Variants in POU2F3 observed in about 807,000 individuals in gnomAD.
POU2F3 encodes the protein POU domain, class 2, transcription factor 3.
A neutral mutation model predicts 59.2 loss-of-function variants in POU2F3; 23 were observed. The observed-to-expected ratio is 0.39, with a 90% CI of 0.28 to 0.55. The LOEUF is 0.55. POU2F3 is among the 20% of genes least tolerant of loss of function. POU2F3 has a pLI of 0.66. For synonymous variants in POU2F3, 190 were observed against 214.6 expected (o/e 0.89, Z 1.00); for missense variants, 473 against 544.5 (o/e 0.87, Z 1.31).
chr11:120,236,840 C>A, upstream of POU2F3: 2 of 841,324 alleles, frequency 2.4e-6, no homozygotes, highest in Middle Eastern at 2.7e-4. Context: ...TTAGAGGGCA[C>A]CCCAGCCTTC....
At chr11:120,271,691 C>T (rs942747795) in intron 3 of POU2F3, among the ~76,000 whole-genome samples, 3 of 152,196 alleles carry the variant, frequency 2.0e-5, no homozygotes, top group Non-Finnish European at 4.4e-5. Flanking sequence ...TGAGGGCAGC[C>T]CCTCTGACCC....
At chr11:120,250,992 G>A (rs1412057271) in intron 2 of POU2F3, among the ~76,000 whole-genome samples, 2 of 151,472 alleles carry the variant, frequency 1.3e-5, no homozygotes, top group Admixed American at 1.3e-4. Context: ...AAAAAAAACA[G>A]GGTCTCACTC....
chr11:120,269,886 A>C (rs1275439640), intron 3 of POU2F3, among the ~76,000 whole-genome samples: 1 of 152,048 alleles, frequency 6.6e-6, no homozygotes, highest in Non-Finnish European at 1.5e-5. Context: ...GCCGAGGGAG[A>C]GGACTTGCCC....
chr11:120,242,651 C>T (rs1019081836), intron 1 of POU2F3, among the ~76,000 whole-genome samples: 1 of 152,112 alleles, frequency 6.6e-6, no homozygotes, highest in African/African-American at 2.4e-5. Flanking sequence ...GCTCCCGGGT[C>T]GCCCACTCCA....
chr11:120,236,899 C>T (rs991146262), upstream of POU2F3, among the ~76,000 whole-genome samples: 4 of 152,208 alleles, frequency 2.6e-5, no homozygotes, highest in African/African-American at 4.8e-5. Context: ...AGAAACGTCT[C>T]TGCTGAGCCA....
intron 2 of POU2F3, among the ~76,000 whole-genome samples, chr11:120,266,943 T>C (rs1298990862): frequency 6.6e-6 from 1 of 152,250 alleles, no homozygotes; most frequent in Non-Finnish European, 1.5e-5. Context: ...TAGTAAATAC[T>C]TGTTGAATTA....
intron 2 of POU2F3, among the ~76,000 whole-genome samples, chr11:120,248,557 C>A (rs1278056336): frequency 6.6e-6 from 1 of 152,152 alleles, no homozygotes; most frequent in African/African-American, 2.4e-5. Context: ...AGTGCATCAG[C>A]CCGGAAGGTT....
intron 8 of POU2F3, among the ~76,000 whole-genome samples, 176 bp downstream of exon 8, chr11:120,305,961 A>G (rs1200265203): frequency 6.6e-6 from 1 of 151,936 alleles, no homozygotes; most frequent in Admixed American, 6.5e-5. Flanking sequence ...TGAAAGTGTC[A>G]GCTCGACTAC....
At chr11:120,264,129 G>A (rs1322844815) in intron 2 of POU2F3, among the ~76,000 whole-genome samples, 2 of 151,946 alleles carry the variant, frequency 1.3e-5, no homozygotes, top group African/African-American at 4.8e-5. Flanking sequence ...CCAGAACTTT[G>A]GGAGGCTGAG....
chr11:120,268,836 G>A (rs932068533), intron 2 of POU2F3, among the ~76,000 whole-genome samples: 1 of 152,092 alleles, frequency 6.6e-6, no homozygotes, highest in Non-Finnish European at 1.5e-5. Flanking sequence ...GTCTCTTCTT[G>A]GTCCCTTGGT....
In POU2F3 at chr11:120,301,996, GACCC is replaced by G. The variant is rs1185999484; in HGVS notation, c.362-289_362-286del. ...ATCAGATCCCAGAGTAGATCGTCTT[GACCC>G]TCCTTAGCCTCTACGCCTCTCCAGA... On this transcript the variant is annotated intron_variant, in intron 5 of 12. Transcript: ENST00000543440. 1.2e-5 allele frequency: 4 copies of G among 320,588 alleles called. No individual in the cohort carries two copies. The East Asian group carries it at 2.4e-4, about 20-fold the overall frequency. 19.9% of individuals were successfully genotyped at this position (320,588 alleles called of 1,614,324 possible). A position where few individuals can be genotyped will look rare whatever the true frequency, so the allele number is the denominator to read the frequency against.
At chr11:120,267,177 G>A (rs909387085) in intron 2 of POU2F3, among the ~76,000 whole-genome samples, 3 of 151,436 alleles carry the variant, frequency 2.0e-5, no homozygotes, top group Admixed American at 6.6e-5. Flanking sequence ...CACCCAGGCT[G>A]GAGTGCAGTC....
At chr11:120,292,557 A>G (rs1322123387) in intron 3 of POU2F3, among the ~76,000 whole-genome samples, 3 of 152,112 alleles carry the variant, frequency 2.0e-5, no homozygotes, top group Non-Finnish European at 4.4e-5. Flanking sequence ...GGGCAAATCA[A>G]AAGTTCTGTG....
intron 2 of POU2F3, chr11:120,249,911 C>G (rs918381062): frequency 1.3e-5 from 2 of 152,196 alleles, no homozygotes; most frequent in Non-Finnish European, 2.9e-5. Context: ...CAGCTTATAG[C>G]CAGAAATCAA....
chr11:120,269,416 C>A (rs1448977010), intron 3 of POU2F3, among the ~76,000 whole-genome samples, 172 bp downstream of exon 3: 2 of 152,120 alleles, frequency 1.3e-5, no homozygotes, highest in Non-Finnish European at 2.9e-5. Context: ...AACCCATGAG[C>A]CAATGTTGGG....
chr11:120,251,244 G>T (rs1268863473), intron 2 of POU2F3, among the ~76,000 whole-genome samples: 1 of 152,244 alleles, frequency 6.6e-6, no homozygotes, highest in African/African-American at 2.4e-5. Flanking sequence ...AAAGTTCTGA[G>T]ATTACATGTG....
intron 2 of POU2F3, among the ~76,000 whole-genome samples, chr11:120,247,509 C>T (rs894749438): frequency 1.3e-5 from 2 of 152,156 alleles, no homozygotes; most frequent in Non-Finnish European, 2.9e-5. Flanking sequence ...TGTTTCCTTG[C>T]ACAGGTAGCA....
chr11:120,266,467 C>T (rs969433631), intron 2 of POU2F3, among the ~76,000 whole-genome samples: 1 of 152,084 alleles, frequency 6.6e-6, no homozygotes, highest in Non-Finnish European at 1.5e-5. Flanking sequence ...TCAGATTGAC[C>T]CATCCTCCTT....
chr11:120,283,356 T>A (rs973600879), intron 3 of POU2F3, among the ~76,000 whole-genome samples: 1 of 152,170 alleles, frequency 6.6e-6, no homozygotes, highest in Non-Finnish European at 1.5e-5. Flanking sequence ...AAGCAAGGTA[T>A]GGAGCAGCAG....
Sources: gnomAD v4.1 joint callset for allele counts (sites outside exome capture counted in the v4.1 genomes callset) on GRCh38, gnomAD v4.1.1 for gene constraint, MANE v1.5 for transcripts, NCBI Gene and HGNC (gene_info 2026-07-23, HGNC 2026-07-21) for gene names.